The following DEFB131B variants were observed in gnomAD, a reference collection of about 807,000 sequenced individuals.
DEFB131B encodes beta-defensin 131B.
DEFB131B carries 2 observed loss-of-function variants against 2.1 expected under a neutral mutation model. The ratio of observed to expected loss-of-function variants is 0.94; its 90% CI spans 0.38 to 2.95. The LOEUF (loss-of-function observed/expected upper bound fraction) is 2.95. Ranked by LOEUF, DEFB131B falls within the 30% of genes most tolerant of loss-of-function variation. DEFB131B has a pLI of 0.09. For missense variants in DEFB131B, 77 were observed against 78.5 expected (o/e 0.98, Z 0.07); for synonymous variants, 26 against 25.8 (o/e 1.01, Z -0.03).
intron 1 of DEFB131B, among the ~76,000 whole-genome samples, chr11:71,879,008 A>T (rs977107422): frequency 2.0e-5 from 3 of 152,278 alleles, no homozygotes; most frequent in Admixed American, 2.0e-4. Context: ...TCAAAAAATA[A>T]TCATAAAAAA....
intron 1 of DEFB131B, among the ~76,000 whole-genome samples, chr11:71,880,465 C>T (rs1430190492): frequency 6.6e-6 from 1 of 152,142 alleles, no homozygotes; most frequent in Non-Finnish European, 1.5e-5. Flanking sequence ...TTCCAAAAGT[C>T]AACTTTTTGT....
chr11:71,884,466 T>C lies in DEFB131B; in HGVS notation c.118T>C (p.Cys40Arg). ...PSEYYHCRLKCNADEHAIRYC... is the reference protein window; with the variant it reads ...PSEYYHCRLKRNADEHAIRYC... ...AGAATATTATCATTGCAGACTGAAG[T>C]GCAATGCTGATGAACATGCAATTAG... Residue 40 changes from cysteine to arginine, a missense_variant, in exon 2 of 2, where the codon TGC becomes CGC. Physicochemically the swap from Cys to Arg is radical, Grantham distance 180. Coordinates refer to ENST00000530210, the MANE Select transcript of DEFB131B (RefSeq NM_001242853.1). 3.1e-6 allele frequency: 5 copies of C among 1,610,246 alleles called. No individual in the cohort carries two copies. The highest frequency in any genetic ancestry group is 4.2e-6 in the Non-Finnish European group (5 of 1,178,738).
chr11:71,884,218 T>G, intron 1 of DEFB131B, 189 bp from the exon 2 acceptor site: 1 of 577,334 alleles, frequency 1.7e-6, no homozygotes, highest in Non-Finnish European at 2.8e-6. Flanking sequence ...TTTACTACTC[T>G]CTTTACAGAA....
intron 1 of DEFB131B, among the ~76,000 whole-genome samples, chr11:71,879,824 T>C (rs1374017967): frequency 4.6e-5 from 7 of 152,208 alleles, no homozygotes; most frequent in Admixed American, 2.0e-4. Flanking sequence ...ACATTTACTA[T>C]GAACAGAATA....
At chr11:71,878,966 C>T (rs1952542922) in intron 1 of DEFB131B, among the ~76,000 whole-genome samples, 1 of 152,082 alleles carries the variant, frequency 6.6e-6, no homozygotes, top group Non-Finnish European at 1.5e-5. Context: ...TGCCACTGCA[C>T]ACCAGCCTGG....
At chr11:71,879,676 T>A (rs1351761888) in intron 1 of DEFB131B, among the ~76,000 whole-genome samples, 1 of 152,164 alleles carries the variant, frequency 6.6e-6, no homozygotes, top group African/African-American at 2.4e-5. Context: ...GGTTATCAAG[T>A]GTATTCTTAA....
chr11:71,883,782 C>T (rs1952593623), intron 1 of DEFB131B, among the ~76,000 whole-genome samples: 1 of 152,134 alleles, frequency 6.6e-6, no homozygotes, highest in Admixed American at 6.5e-5. Context: ...GGCTCCTGTC[C>T]ATATCTCAGT....
chr11:71,882,388 C>A (rs111235011), intron 1 of DEFB131B, among the ~76,000 whole-genome samples: 4,259 of 152,140 alleles, frequency 0.028, 69 homozygotes, highest in East Asian at 0.08. Flanking sequence ...GCCACCACCA[C>A]GCCTGGCTAA....
rs112705355 is a variant in DEFB131B, at chr11:71,881,636, TA to T, written c.59-2759del. On this transcript the variant is annotated intron_variant, in intron 1 of 1. Coordinates refer to ENST00000530210, the MANE Select transcript of DEFB131B (RefSeq NM_001242853.1). ...GTCTCATTTTAGCTTTATCAGTCCT[TA>T]AAAAAAAAAAATCTTCAAATATGAT... 7.4e-3 allele frequency among the ~76,000 whole-genome samples: 1,071 copies of T among 145,426 alleles called. 6 individuals are homozygous for T. Among genetic ancestry groups the T allele is most frequent in the African/African-American group, 0.018 (737 of 39,976 alleles).
intron 1 of DEFB131B, among the ~76,000 whole-genome samples, chr11:71,879,169 T>C (rs1952544563): frequency 6.6e-6 from 1 of 152,184 alleles, no homozygotes; most frequent in Non-Finnish European, 1.5e-5. Context: ...ACCATAATCC[T>C]TGGTTCACAG....
chr11:71,883,013 A>C (rs1251280150), intron 1 of DEFB131B, among the ~76,000 whole-genome samples: 1 of 152,210 alleles, frequency 6.6e-6, no homozygotes, highest in Non-Finnish European at 1.5e-5. Context: ...GAAAAAGATA[A>C]GATATTTAAG....
At chr11:71,878,878 T>C (rs1025842041) in intron 1 of DEFB131B, among the ~76,000 whole-genome samples, 2 of 151,458 alleles carry the variant, frequency 1.3e-5, no homozygotes, top group African/African-American at 4.9e-5. Flanking sequence ...CGCGTGCCTG[T>C]GGTTCTGGCT....
intron 1 of DEFB131B, 84 bp from the exon 2 acceptor site, chr11:71,884,323 T>G (rs897868177): frequency 7.3e-7 from 1 of 1,373,020 alleles, no homozygotes; most frequent in African/African-American, 1.5e-5. Flanking sequence ...TGTAATGCTT[T>G]TAATTTATTA....
intron 1 of DEFB131B, among the ~76,000 whole-genome samples, chr11:71,879,938 G>C (rs1952549712): frequency 6.6e-6 from 1 of 151,918 alleles, no homozygotes; most frequent in Non-Finnish European, 1.5e-5. Flanking sequence ...TTCATTCAGT[G>C]GTCATCAGTA....
chr11:71,883,789 C>T (rs1054237003), intron 1 of DEFB131B, among the ~76,000 whole-genome samples: 5 of 152,188 alleles, frequency 3.3e-5, no homozygotes, highest in Non-Finnish European at 7.3e-5. Flanking sequence ...GTCCATATCT[C>T]AGTAACTTCC....
At chr11:71,878,591 A>G in intron 1 of DEFB131B, 81 bp downstream of exon 1, 2 of 1,461,068 alleles carry the variant, frequency 1.4e-6, no homozygotes, top group Admixed American at 3.9e-5. Context: ...GTCTGAAAAT[A>G]AATTAGGCAT....
At chr11:71,883,134 G>T (rs1952585003) in intron 1 of DEFB131B, among the ~76,000 whole-genome samples, 1 of 152,106 alleles carries the variant, frequency 6.6e-6, no homozygotes, top group Admixed American at 6.5e-5. Flanking sequence ...TTCATGAATT[G>T]GAAGACATAA....
chr11:71,883,752 A>G (rs190880263), intron 1 of DEFB131B, among the ~76,000 whole-genome samples: 3 of 152,338 alleles, frequency 2.0e-5, no homozygotes, highest in Admixed American at 6.5e-5. Flanking sequence ...GGGAATATTT[A>G]TGGGAGATTA....
At chr11:71,879,735 G>A (rs570559432) in intron 1 of DEFB131B, among the ~76,000 whole-genome samples, 3 of 152,122 alleles carry the variant, frequency 2.0e-5, no homozygotes, top group South Asian at 2.1e-4. Flanking sequence ...GTTTATCAGC[G>A]CAAGAAGAAA....
Sources: gnomAD v4.1 joint callset for allele counts (sites outside exome capture counted in the v4.1 genomes callset) on GRCh38, gnomAD v4.1.1 for gene constraint, MANE v1.5 for transcripts, NCBI Gene and HGNC (gene_info 2026-07-23, HGNC 2026-07-21) for gene names.